The following BBIP1 variants were observed in gnomAD, a reference collection of about 807,000 sequenced individuals.
The protein encoded by BBIP1 is BBSome-interacting protein 1.
A neutral mutation model predicts 8.9 loss-of-function variants in BBIP1; 6 were observed. The ratio of observed to expected loss-of-function variants is 0.67; its 90% CI spans 0.37 to 1.33. The LOEUF (loss-of-function observed/expected upper bound fraction) is 1.33, where lower values mean the gene tolerates loss of function less well. Ranked by LOEUF, BBIP1 falls within the 40% of genes most tolerant of loss-of-function variation. The probability of loss-of-function intolerance (pLI) is 0.02; values close to 1 mark genes in which losing one functional copy is unlikely to be tolerated. For synonymous variants in BBIP1, 32 were observed against 33.4 expected (o/e 0.96, Z 0.14); for missense variants, 111 against 109.2 (o/e 1.02, Z -0.07).
At chr10:110,912,226 C>T (rs1399475380) in intron 2 of BBIP1, 1 of 144,170 alleles carries the variant, frequency 6.9e-6, no homozygotes, top group Non-Finnish European at 1.5e-5. Flanking sequence ...TGATGCCATT[C>T]TGAAATAAAT....
At chr10:110,901,212 C>G (rs368117866) in intron 3 of BBIP1, 241 of 422,440 alleles carry the variant, frequency 5.7e-4, no homozygotes, top group African/African-American at 4.3e-3. Flanking sequence ...CCCAGTAGTT[C>G]AAGGCTGCGG....
At chr10:110,909,392 C>A (rs1846219491) in intron 2 of BBIP1, among the ~76,000 whole-genome samples, 1 of 152,150 alleles carries the variant, frequency 6.6e-6, no homozygotes, top group South Asian at 2.1e-4. Context: ...GATGGGGTTT[C>A]ATCATGTTGG....
chr10:110,913,397 GA>G (rs1846323193), intron 2 of BBIP1, among the ~76,000 whole-genome samples: 1 of 152,120 alleles, frequency 6.6e-6, no homozygotes, highest in Non-Finnish European at 1.5e-5. Context: ...AAAAATCTTT[GA>G]ATCTTCATAA....
Position 110,918,161 on chromosome 10 carries a change from A to G in BBIP1, c.-4T>C, listed in dbSNP as rs1235192400. The G allele has an allele frequency of 1.3e-5, 20 of 1,535,672 alleles. No homozygotes were observed. Among genetic ancestry groups the G allele is most frequent in the Non-Finnish European group, 1.7e-5 (19 of 1,146,518 alleles). ...TTTTTGCTGCAGCTTTAAGCATCCA[A>G]CCCGGTATTACCAAGATGACTTAGA... is the stretch of plus-strand genomic sequence containing the variant. On this transcript the variant is annotated 5_prime_UTR_variant, in exon 2 of 4. Coordinates refer to ENST00000448814, the MANE Select transcript of BBIP1 (RefSeq NM_001195305.3).
intron 1 of BBIP1, among the ~76,000 whole-genome samples, chr10:110,918,620 G>C (rs1241590794): frequency 1.3e-5 from 2 of 152,220 alleles, no homozygotes; most frequent in Non-Finnish European, 2.9e-5. Context: ...CCCATTCCCC[G>C]CTGGGGTCCT....
intron 2 of BBIP1, among the ~76,000 whole-genome samples, chr10:110,916,329 T>C (rs943200381): frequency 4.6e-5 from 7 of 152,224 alleles, no homozygotes; most frequent in Non-Finnish European, 8.8e-5. Flanking sequence ...CATGATCAAA[T>C]ATAAGTCTAG....
chr10:110,918,363 G>C, intron 1 of BBIP1, 150 bp from the exon 2 acceptor site: 1 of 552,202 alleles, frequency 1.8e-6, no homozygotes, highest in Non-Finnish European at 3.2e-6. Context: ...ACTCAAAGGA[G>C]AGACGCGGAA....
chr10:110,899,491 G>A lies in BBIP1; in HGVS notation c.*869C>T, dbSNP rs1290877178. 1.3e-5 allele frequency: 2 copies of A among 152,110 alleles called. No individual in the cohort carries two copies. The highest frequency in any genetic ancestry group is 4.8e-5 in the African/African-American group (2 of 41,420). The allele number at this position is 152,110 out of a possible 1,614,324, so 9.4% of individuals were successfully genotyped here. ...GCTTAGCTGACTACAGAATAGGTGA[G>A]GGTTTCTTAAAAATGAGATTTAAGG... is the stretch of plus-strand genomic sequence containing the variant. On this transcript the variant is annotated 3_prime_UTR_variant, in exon 4 of 4. Transcript: ENST00000448814.
chr10:110,902,509 T>G (rs1291757052), intron 2 of BBIP1: 1 of 152,246 alleles, frequency 6.6e-6, no homozygotes, highest in Non-Finnish European at 1.5e-5. Flanking sequence ...TTATTATTTA[T>G]AAAGTGGTGA....
chr10:110,907,814 A>G lies in BBIP1; in HGVS notation c.38-6202T>C, dbSNP rs1223893671. ...TTAATGGACTTTCTGATAAGATTCC[A>G]TAGTTATTAAATTTGAGAAGCCCTG... On this transcript the variant is annotated intron_variant, in intron 2 of 3. Transcript: ENST00000448814. The G allele has an allele frequency of 2.9e-6, 2 of 698,718 alleles. No homozygotes were observed. Among genetic ancestry groups the G allele is most frequent in the Non-Finnish European group, 5.2e-6 (2 of 383,786 alleles). 43.3% of individuals were successfully genotyped at this position (698,718 alleles called of 1,614,324 possible). A position where few individuals can be genotyped will look rare whatever the true frequency, so the allele number is the denominator to read the frequency against.
At position 110,900,461 on chromosome 10, in the gene BBIP1, A is replaced by G. The variant is rs1304088578; in HGVS notation, c.178T>C (p.Ser60Pro). 7.8e-5 allele frequency: 120 copies of G among 1,535,862 alleles called. 1 individual carries two copies. The East Asian group carries it at 2.7e-3, about 34-fold the overall frequency. ...LCKPKLLPLKSLTLEKLEKMH... is the reference protein window; with the variant it reads ...LCKPKLLPLKPLTLEKLEKMH... The stretch of plus-strand genomic sequence containing the variant: ...TTCTCTAGTTTTTCCAGAGTCAGAG[A>G]TTTTAAGGGTAAAAGTTTGGGTTTA... The change falls in exon 4 of 4, where the codon TCT becomes CCT. Residue 60 changes from serine (S) to proline (P), a missense_variant. Transcript: ENST00000448814.
At chr10:110,911,705 T>C (rs1846281132) in intron 2 of BBIP1, 1 of 152,056 alleles carries the variant, frequency 6.6e-6, no homozygotes, top group African/African-American at 2.4e-5. Context: ...AGAGTTATCT[T>C]GTCCAACATC....
At chr10:110,908,058 A>T (rs1272040776) in intron 2 of BBIP1, 4 of 311,310 alleles carry the variant, frequency 1.3e-5, no homozygotes, top group Non-Finnish European at 2.3e-5. Flanking sequence ...TGGCATATGT[A>T]GTAAGATGCT....
chr10:110,904,519 T>G (rs192412405), intron 2 of BBIP1: 25 of 152,346 alleles, frequency 1.6e-4, no homozygotes, highest in Admixed American at 1.4e-3. Flanking sequence ...TGTAATGTCT[T>G]TTTAAACTGC....
At chr10:110,918,857 C>G (rs1381718146) in intron 1 of BBIP1, 1 of 152,422 alleles carries the variant, frequency 6.6e-6, no homozygotes, top group Non-Finnish European at 1.5e-5. Flanking sequence ...CACTTTGCAA[C>G]TAAGGTCAAA....
chr10:110,902,127 A>C (rs935064238), intron 2 of BBIP1: 2 of 157,094 alleles, frequency 1.3e-5, no homozygotes, highest in African/African-American at 4.8e-5. Context: ...AAAGAATCCT[A>C]TGGATGACTG....
intron 3 of BBIP1, 130 bp from the exon 4 acceptor site, chr10:110,900,656 G>A (rs1814998559): frequency 4.1e-6 from 3 of 733,936 alleles, no homozygotes; most frequent in Non-Finnish European, 4.2e-6. Context: ...CCTAAATTGA[G>A]TTTTGCTCTG....
At chr10:110,901,498 C>A in intron 3 of BBIP1, 40 bp downstream of exon 3, 1 of 1,415,568 alleles carries the variant, frequency 7.1e-7, no homozygotes, top group Non-Finnish European at 9.6e-7. Context: ...TTCTTTAGTC[C>A]TGTAATAATC....
intron 2 of BBIP1, among the ~76,000 whole-genome samples, chr10:110,906,095 C>A (rs996915914): frequency 7.9e-5 from 12 of 151,344 alleles, no homozygotes; most frequent in African/African-American, 2.9e-4. Flanking sequence ...CTCCGCCTCC[C>A]GGGTTCATGC....
Sources: gnomAD v4.1 joint callset for allele counts (sites outside exome capture counted in the v4.1 genomes callset) on GRCh38, gnomAD v4.1.1 for gene constraint, MANE v1.5 for transcripts, NCBI Gene and HGNC (gene_info 2026-07-23, HGNC 2026-07-21) for gene names.